ANKRD29: variants seen among roughly 807,000 people sequenced by gnomAD.
ANKRD29 encodes the protein ankyrin repeat domain-containing protein 29.
ANKRD29 carries 32 observed loss-of-function variants against 38.0 expected under a neutral mutation model. The observed-to-expected ratio is 0.84, with a 90% CI of 0.64 to 1.13. ANKRD29 has a LOEUF of 1.13. Among genes scored for constraint, ANKRD29 ranks in the 50% most tolerant of loss-of-function variants. The pLI, the probability that ANKRD29 is intolerant of heterozygous loss-of-function variation, is 0.00. For missense variants in ANKRD29, 357 were observed against 377.9 expected, an observed-to-expected ratio of 0.94 and a Z score of 0.46; for synonymous variants, 135 against 152.4, an observed-to-expected ratio of 0.89 and a Z score of 0.84.
chr18:23,659,848 C>T (rs1163940033), intron 1 of ANKRD29, among the ~76,000 whole-genome samples: 1 of 151,840 alleles, frequency 6.6e-6, no homozygotes, highest in African/African-American at 2.4e-5. Context: ...CGGTGGCCCA[C>T]GCCTATAATC....
rs1268699778 is a variant in ANKRD29 at position 23,617,732 on chromosome 18, C to A, written c.723G>T (p.Lys241Asn). The A allele has an allele frequency of 1.9e-6, 3 of 1,612,390 alleles. No homozygotes were observed. Among genetic ancestry groups the A allele is most frequent in the Non-Finnish European group, 2.5e-6 (3 of 1,178,622 alleles). ...AGTAAAATTTATCTTTAGGTCTTAC[C>A]TTCAAAATACCAAGAGTGGGTGAGA... ...LKFSPTLGIL[K>N]NGTSALHAAV... is the part of the protein sequence containing the mutation. The change falls in exon 8 of 10, where the codon AAG (lysine) becomes AAT (asparagine). Residue 241 changes from lysine to asparagine, a missense_variant and splice_region_variant. Coordinates refer to ENST00000592179, the MANE Select transcript of ANKRD29 (RefSeq NM_173505.4).
intron 6 of ANKRD29, 54 bp from the exon 7 acceptor site, chr18:23,619,683 C>T (rs1210706386): frequency 1.2e-5 from 18 of 1,451,282 alleles, no homozygotes; most frequent in Non-Finnish European, 1.6e-5. Context: ...GCCCCACCCG[C>T]TCACAGAACG....
intron 8 of ANKRD29, among the ~76,000 whole-genome samples, chr18:23,615,307 CTG>C (rs2059696622): frequency 6.6e-6 from 1 of 152,080 alleles, no homozygotes; most frequent in Non-Finnish European, 1.5e-5. Flanking sequence ...TGCACTCAGA[CTG>C]TTTTTACATT....
At chr18:23,628,199 A>G (rs1365743430) in intron 6 of ANKRD29, among the ~76,000 whole-genome samples, 2 of 152,174 alleles carry the variant, frequency 1.3e-5, no homozygotes, top group African/African-American at 4.8e-5. Context: ...CTTGTTCAAA[A>G]CCACACAGCT....
intron 7 of ANKRD29, chr18:23,618,824 CG>C (rs1050356732): frequency 2.4e-5 from 2 of 82,252 alleles, no homozygotes; most frequent in African/African-American, 5.2e-5. Flanking sequence ...AATTGGGGGG[CG>C]GGGGGTGGGG....
chr18:23,598,983 AGAAT>A lies in ANKRD29; in HGVS notation c.*2239_*2242del, dbSNP rs1567997594. Reference sequence around the variant, plus strand: ...TATATAACATGGAATATGTCATCAAAGAATGAATTAATGAAAAACGTTTGTAGTT... The same window carrying A: ...TATATAACATGGAATATGTCATCAAAGAATTAATGAAAAACGTTTGTAGTT... On this transcript the variant is annotated 3_prime_UTR_variant, in exon 10 of 10. Coordinates refer to ENST00000592179, the MANE Select transcript of ANKRD29 (RefSeq NM_173505.4). The A allele has an allele frequency of 6.6e-6, 1 of 152,242 alleles. No homozygotes were observed. The highest frequency in any genetic ancestry group is 1.9e-4 in the East Asian group (1 of 5,204). 9.4% of individuals were successfully genotyped at this position (152,242 alleles called of 1,614,324 possible).
At chr18:23,624,714 G>T (rs1241358709) in intron 6 of ANKRD29, among the ~76,000 whole-genome samples, 1 of 152,086 alleles carries the variant, frequency 6.6e-6, no homozygotes, top group Admixed American at 6.6e-5. Flanking sequence ...AAACTGATCA[G>T]AGAGGAGTGA....
chr18:23,610,708 C>T (rs2059630696), intron 9 of ANKRD29, among the ~76,000 whole-genome samples: 1 of 152,204 alleles, frequency 6.6e-6, no homozygotes. Context: ...TTTCTCTCTA[C>T]TCCGTCGTTC....
At chr18:23,620,811 C>T (rs1301300462) in intron 6 of ANKRD29, among the ~76,000 whole-genome samples, 1 of 152,174 alleles carries the variant, frequency 6.6e-6, no homozygotes, top group Non-Finnish European at 1.5e-5. Flanking sequence ...GGCCCACATC[C>T]ACCTAGCACC....
intron 2 of ANKRD29, chr18:23,647,213 TG>T (rs1352265653): frequency 2.0e-5 from 3 of 152,214 alleles, no homozygotes; most frequent in African/African-American, 7.2e-5. Flanking sequence ...GGGCACATCA[TG>T]TAACCCTTAA....
chr18:23,660,704 G>A (rs768944155), intron 1 of ANKRD29, among the ~76,000 whole-genome samples: 1 of 152,220 alleles, frequency 6.6e-6, no homozygotes, highest in Non-Finnish European at 1.5e-5. Context: ...CTACTCAGGA[G>A]GCTGAGCCAG....
chr18:23,616,253 T>C (rs1201934481), intron 8 of ANKRD29, among the ~76,000 whole-genome samples: 1 of 149,264 alleles, frequency 6.7e-6, no homozygotes, highest in African/African-American at 2.4e-5. Flanking sequence ...TAATTTACTA[T>C]ATATAGTAAA....
intron 1 of ANKRD29, among the ~76,000 whole-genome samples, chr18:23,659,948 T>C (rs1482881045): frequency 6.6e-6 from 1 of 151,286 alleles, no homozygotes; most frequent in Non-Finnish European, 1.5e-5. Flanking sequence ...CCGTCTCTAC[T>C]AAAAATGCAA....
chr18:23,624,410 TGAGCCAA>T (rs2059833946), intron 6 of ANKRD29, among the ~76,000 whole-genome samples: 1 of 124,380 alleles, frequency 8.0e-6, no homozygotes, highest in Middle Eastern at 7.2e-3. Flanking sequence ...GATGTTGCAG[TGAGCCAA>T]GATCATGCCT....
At chr18:23,637,750 A>G (rs961864704) in intron 4 of ANKRD29, among the ~76,000 whole-genome samples, 1 of 152,184 alleles carries the variant, frequency 6.6e-6, no homozygotes, top group Admixed American at 6.5e-5. Context: ...CTCCCTTGAT[A>G]TCTAAATAGT....
chr18:23,616,995 G>T (rs931192094), intron 8 of ANKRD29, among the ~76,000 whole-genome samples: 6 of 151,954 alleles, frequency 3.9e-5, no homozygotes, highest in Admixed American at 3.9e-4. Context: ...GAGGCAAGTG[G>T]ATCACTTGAG....
intron 9 of ANKRD29, among the ~76,000 whole-genome samples, chr18:23,607,281 T>G (rs1469632488): frequency 6.6e-6 from 1 of 152,212 alleles, no homozygotes; most frequent in Non-Finnish European, 1.5e-5. Flanking sequence ...TCTGTTAGCT[T>G]AGTTCCTGCA....
intron 9 of ANKRD29, among the ~76,000 whole-genome samples, chr18:23,609,529 G>A (rs150101420): frequency 7.2e-5 from 11 of 152,236 alleles, no homozygotes; most frequent in African/African-American, 1.7e-4. Flanking sequence ...CTGATACATC[G>A]GTTCTGTCTA....
chr18:23,613,501 A>G (rs2059671268), intron 8 of ANKRD29, among the ~76,000 whole-genome samples: 3 of 151,960 alleles, frequency 2.0e-5, no homozygotes, highest in Middle Eastern at 3.4e-3. Flanking sequence ...AAAAAGAGCT[A>G]TTTGAAACAA....
Sources: allele counts gnomAD v4.1 joint callset (sites outside exome capture counted in the v4.1 genomes callset), GRCh38; gene constraint gnomAD v4.1.1; transcripts MANE v1.5; gene names NCBI Gene and HGNC (gene_info 2026-07-23, HGNC 2026-07-21).